Variants in WAPL observed in about 807,000 individuals in gnomAD.
The protein encoded by WAPL is wings apart-like protein homolog.
A neutral mutation model predicts 121.0 loss-of-function variants in WAPL; 5 were observed. That is an observed-to-expected ratio of 0.04 (90% CI 0.02 to 0.09). The LOEUF (loss-of-function observed/expected upper bound fraction) is 0.09, where lower values mean the gene tolerates loss of function less well. WAPL is among the 10% of genes least tolerant of loss of function. The probability of loss-of-function intolerance (pLI) is 1.00; values close to 1 mark genes in which losing one functional copy is unlikely to be tolerated. For missense variants in WAPL, 999 were observed against 1,410.8 expected (o/e 0.71, Z 4.68); for synonymous variants, 480 against 481.5 (o/e 1.00, Z 0.04).
chr10:86,476,139 G>A (rs1415069844), intron 4 of WAPL, among the ~76,000 whole-genome samples: 7 of 152,198 alleles, frequency 4.6e-5, no homozygotes, highest in African/African-American at 1.7e-4. Context: ...GCTGAGGCGG[G>A]CGGATCACGA....
intron 14 of WAPL, among the ~76,000 whole-genome samples, chr10:86,452,435 T>C (rs944278589): frequency 5.3e-5 from 8 of 151,612 alleles, no homozygotes; most frequent in African/African-American, 1.9e-4. Context: ...CTACTAAAAA[T>C]ACAAAAATAA....
At chr10:86,442,307 C>T (rs554394055) in intron 17 of WAPL, among the ~76,000 whole-genome samples, 4 of 152,230 alleles carry the variant, frequency 2.6e-5, no homozygotes, top group Non-Finnish European at 4.4e-5. Flanking sequence ...GCTGAGATTA[C>T]AGGCATGAGC....
chr10:86,468,564 A>C (rs960177113), intron 8 of WAPL, among the ~76,000 whole-genome samples: 13 of 152,190 alleles, frequency 8.5e-5, no homozygotes, highest in African/African-American at 3.1e-4. Flanking sequence ...AATAATTTTA[A>C]ATCTATATCA....
intron 15 of WAPL, among the ~76,000 whole-genome samples, chr10:86,446,974 A>G (rs1361066560): frequency 6.6e-6 from 1 of 152,218 alleles, no homozygotes; most frequent in African/African-American, 2.4e-5. Flanking sequence ...ATATAAAATA[A>G]TATCTTTCAG....
intron 9 of WAPL, among the ~76,000 whole-genome samples, chr10:86,462,592 T>A (rs577660629): frequency 6.6e-6 from 1 of 151,828 alleles, no homozygotes; most frequent in East Asian, 1.9e-4. Flanking sequence ...TGGTGGTGGG[T>A]GCCTGTAATT....
intron 4 of WAPL, among the ~76,000 whole-genome samples, chr10:86,485,832 T>C (rs761905771): frequency 6.6e-6 from 1 of 152,216 alleles, no homozygotes; most frequent in Non-Finnish European, 1.5e-5. Flanking sequence ...CTTTTTAAGA[T>C]ACTCTTCTTA....
intron 4 of WAPL, among the ~76,000 whole-genome samples, chr10:86,474,650 G>A (rs879510525): frequency 1.3e-5 from 2 of 152,128 alleles, no homozygotes; most frequent in African/African-American, 4.8e-5. Flanking sequence ...GATCACTTGA[G>A]TCCAGGAGTT....
rs531404303 is a variant in WAPL at position 86,505,300 on chromosome 10, C to CTTTTTTTTTTTTTTTTT, written c.500-4574_500-4558dup. On this transcript the variant is annotated intron_variant, in intron 2 of 18. Transcript: ENST00000298767. ...CAAGCTTCAGCCACAGTGCCCAACT[C>CTTTTTTTTTTTTTTTTT]TTTTTTTTTTTTTTTTTTTTTTTTT... 5.1e-3 allele frequency among the ~76,000 whole-genome samples: 230 copies of CTTTTTTTTTTTTTTTTT among 44,664 alleles called. 33 individuals are homozygous for CTTTTTTTTTTTTTTTTT. Among genetic ancestry groups the CTTTTTTTTTTTTTTTTT allele is most frequent in the Non-Finnish European group, 7.3e-3 (178 of 24,360 alleles). 29.3% of individuals were successfully genotyped at this position (44,664 alleles called of 152,430 possible).
rs1054149328 is a variant in WAPL, at chr10:86,446,331, T to C, written c.3233A>G (p.Glu1078Gly). ...KSGEWQETSG[E>G]IQWVSTEKTD... ...CTTTTCAGTTGACACCCACTGTATT[T>C]CTCCACTTGTTTCTTGCCACTCTCC... is the stretch of plus-strand genomic sequence containing the variant. Residue 1078 changes from glutamate to glycine, a missense_variant, in exon 16 of 19, where the codon GAA (glutamate) becomes GGA (glycine). This residue lies in a region of WAPL where 126 missense variants were observed against 144.0 expected (regional missense o/e 0.87). Transcript: ENST00000298767. 4.3e-6 allele frequency: 7 copies of C among 1,614,164 alleles called. No homozygotes were observed. Among genetic ancestry groups the C allele is most frequent in the Non-Finnish European group, 5.9e-6 (7 of 1,180,040 alleles).
At chr10:86,502,576 T>A (rs1272621833) in intron 2 of WAPL, among the ~76,000 whole-genome samples, 1 of 152,186 alleles carries the variant, frequency 6.6e-6, no homozygotes, top group East Asian at 1.9e-4. Context: ...GAGATGGAGA[T>A]ACAAATAGAC....
intron 4 of WAPL, among the ~76,000 whole-genome samples, chr10:86,480,750 G>A (rs1841764067): frequency 6.6e-6 from 1 of 152,206 alleles, no homozygotes; most frequent in Non-Finnish European, 1.5e-5. Context: ...GCTTGCATGG[G>A]CATGTGACTA....
intron 2 of WAPL, among the ~76,000 whole-genome samples, chr10:86,504,672 A>T (rs905182817): frequency 6.6e-6 from 1 of 151,694 alleles, no homozygotes; most frequent in Admixed American, 6.6e-5. Context: ...AGAAAAAGGA[A>T]TAACAGGGAC....
intron 10 of WAPL, 67 bp downstream of exon 10, chr10:86,461,108 AC>A: frequency 1.7e-6 from 2 of 1,145,902 alleles, no homozygotes; most frequent in Non-Finnish European, 2.5e-6. Context: ...TTTTTGAAGT[AC>A]GTCAATGGAG....
rs556050757 is a variant in WAPL, at chr10:86,450,335, A to G, written c.3114+1632T>C. 2.6e-4 allele frequency among the ~76,000 whole-genome samples: 40 copies of G among 152,246 alleles called. No individual in the cohort carries two copies. In the Middle Eastern group the frequency reaches 0.01, roughly 39 times the overall value. On this transcript the variant is annotated intron_variant, in intron 15 of 18. Coordinates refer to ENST00000298767, the MANE Select transcript of WAPL (RefSeq NM_015045.5). Reference sequence around the variant, plus strand: ...ACGACAACTTCAAACTCCTGGGTGCAAGCAATCCTCTCACTTCAGCGTCCC... The same window carrying G: ...ACGACAACTTCAAACTCCTGGGTGCGAGCAATCCTCTCACTTCAGCGTCCC...
chr10:86,453,470 T>C, intron 13 of WAPL, 135 bp from the exon 14 acceptor site: 1 of 1,188,082 alleles, frequency 8.4e-7, no homozygotes, highest in Middle Eastern at 2.2e-4. Context: ...TTGATACTTC[T>C]GGGTCAAGCT....
At position 86,519,245 on chromosome 10, in the gene WAPL, A is replaced by T. The variant is rs560071102; in HGVS notation, c.-22-1154T>A. On this transcript the variant is annotated intron_variant, in intron 1 of 18. Transcript: ENST00000298767. ...GTTATAGTACTTTTTAAACATGATC[A>T]ATCAGTAACCGTTTGTCTAACACTT... Among the ~76,000 whole-genome samples the T allele has an allele frequency of 2.9e-4, 44 of 152,328 alleles. No individual in the cohort carries two copies. The South Asian group carries it at 7.0e-3, about 24-fold the overall frequency.
At chr10:86,473,581 A>ATTTGCTCTTAAACACTTGC (rs1841583592) in intron 5 of WAPL, among the ~76,000 whole-genome samples, 2 of 152,318 alleles carry the variant, frequency 1.3e-5, no homozygotes, top group South Asian at 4.1e-4. Flanking sequence ...AATATGGACA[A>ATTTGCTCTTAAACACTTGC]TCTTGCTCTT....
At chr10:86,492,324 C>T (rs764263353) in intron 4 of WAPL, among the ~76,000 whole-genome samples, 1 of 152,018 alleles carries the variant, frequency 6.6e-6, no homozygotes, top group African/African-American at 2.4e-5. Context: ...TTCTGTAACT[C>T]GAGCAATAAA....
At chr10:86,512,718 T>C (rs1231625168) in intron 2 of WAPL, among the ~76,000 whole-genome samples, 1 of 152,206 alleles carries the variant, frequency 6.6e-6, no homozygotes, top group Non-Finnish European at 1.5e-5. Flanking sequence ...TATTTGCAGA[T>C]AGAAACAGAA....
Sources: allele counts gnomAD v4.1 joint callset (sites outside exome capture counted in the v4.1 genomes callset), GRCh38; gene constraint gnomAD v4.1.1; regional missense constraint gnomAD v4.1.1; transcripts MANE v1.5; gene names NCBI Gene and HGNC (gene_info 2026-07-23, HGNC 2026-07-21).